NKAIN3: variants seen among roughly 807,000 people sequenced by gnomAD.
NKAIN3 encodes the protein sodium/potassium transporting ATPase interacting 3, also known as sodium/potassium-transporting ATPase subunit beta-1-interacting protein 3.
A neutral mutation model predicts 30.2 loss-of-function variants in NKAIN3; 25 were observed. That is an observed-to-expected ratio of 0.83 (90% CI 0.60 to 1.16). The LOEUF (loss-of-function observed/expected upper bound fraction) is 1.16, where lower values mean the gene tolerates loss of function less well. Ranked by LOEUF, NKAIN3 falls within the 50% of genes most tolerant of loss-of-function variation. The pLI is 0.00. For missense variants in NKAIN3, 225 were observed against 254.1 expected, an observed-to-expected ratio of 0.89 and a Z score of 0.78; for synonymous variants, 91 against 89.6, an observed-to-expected ratio of 1.02 and a Z score of -0.09.
At chr8:62,436,434 A>G (rs1805176672) in intron 1 of NKAIN3, among the ~76,000 whole-genome samples, 1 of 152,138 alleles carries the variant, frequency 6.6e-6, no homozygotes, top group Non-Finnish European at 1.5e-5. Context: ...AGTGCTTAAC[A>G]TTGCAACTTT....
rs1026254883 is a variant in NKAIN3 at position 62,646,849 on chromosome 8, A to G, written c.273+57055A>G. On this transcript the variant is annotated intron_variant, in intron 3 of 6. Coordinates refer to ENST00000623646, the MANE Select transcript of NKAIN3 (RefSeq NM_001304533.3). ...TACAGTAGAACAGGCCAATCACAAA[A>G]TAAAAACTCCAAGATAGACAATCAT... is the stretch of plus-strand genomic sequence containing the variant. Among the ~76,000 whole-genome samples the G allele has an allele frequency of 6.6e-5, 10 of 152,296 alleles. No individual in the cohort carries two copies. The East Asian group carries it at 1.2e-3, about 18-fold the overall frequency.
At chr8:62,588,924 T>A (rs1307954009) in intron 2 of NKAIN3, among the ~76,000 whole-genome samples, 1 of 151,882 alleles carries the variant, frequency 6.6e-6, no homozygotes, top group Non-Finnish European at 1.5e-5. Context: ...AAAAAGTGAC[T>A]GGATGAGAGG....
intron 1 of NKAIN3, among the ~76,000 whole-genome samples, chr8:62,537,940 A>G (rs550226422): frequency 6.6e-6 from 1 of 152,236 alleles, no homozygotes; most frequent in South Asian, 2.1e-4. Context: ...ACCAAGTTCA[A>G]TGACAGTGCT....
intron 3 of NKAIN3, among the ~76,000 whole-genome samples, chr8:62,633,202 G>A (rs926887525): frequency 6.6e-6 from 1 of 152,076 alleles, no homozygotes; most frequent in African/African-American, 2.4e-5. Context: ...TTCGCACCTC[G>A]CAGGACTGTT....
At chr8:62,737,328 T>C (rs1440031396) in intron 3 of NKAIN3, among the ~76,000 whole-genome samples, 3 of 152,220 alleles carry the variant, frequency 2.0e-5, no homozygotes, top group Non-Finnish European at 2.9e-5. Flanking sequence ...CTTTCCTGAA[T>C]GTTTCTCTGC....
intron 1 of NKAIN3, among the ~76,000 whole-genome samples, chr8:62,301,211 G>GT (rs539962503): frequency 1.4e-3 from 214 of 151,940 alleles, no homozygotes; most frequent in African/African-American, 4.9e-3. Context: ...AGTAAATAGT[G>GT]TATTTTTAAT....
intron 6 of NKAIN3, among the ~76,000 whole-genome samples, chr8:62,954,944 AGCTC>A (rs1160797343): frequency 6.6e-6 from 1 of 152,186 alleles, no homozygotes; most frequent in African/African-American, 2.4e-5. Flanking sequence ...TTTTTCTTTC[AGCTC>A]AGTGTTCTGT....
chr8:62,445,541 G>A (rs1008781074), intron 1 of NKAIN3, among the ~76,000 whole-genome samples: 4 of 152,028 alleles, frequency 2.6e-5, no homozygotes, highest in Admixed American at 6.6e-5. Context: ...ACTATTTTCT[G>A]TTTACTTCTT....
intron 1 of NKAIN3, among the ~76,000 whole-genome samples, chr8:62,270,607 C>T (rs1347728271): frequency 6.6e-6 from 1 of 151,962 alleles, no homozygotes; most frequent in Non-Finnish European, 1.5e-5. Context: ...ATGTATAATA[C>T]ATTATTATTT....
intron 4 of NKAIN3, among the ~76,000 whole-genome samples, chr8:62,790,287 A>T (rs1466328401): frequency 6.6e-6 from 1 of 152,134 alleles, no homozygotes; most frequent in Non-Finnish European, 1.5e-5. Context: ...ACTCTCAATA[A>T]ATTAGGTGTT....
intron 1 of NKAIN3, among the ~76,000 whole-genome samples, chr8:62,558,013 C>T (rs1585943898): frequency 6.6e-6 from 1 of 151,942 alleles, no homozygotes; most frequent in Non-Finnish European, 1.5e-5. Context: ...TTTTCCAATG[C>T]TATCTTCCAG....
At chr8:62,609,300 T>C (rs76231432) in intron 3 of NKAIN3, among the ~76,000 whole-genome samples, 4,231 of 152,300 alleles carry the variant, frequency 0.028, 92 homozygotes, top group Non-Finnish European at 0.045. Context: ...CAAAACACTT[T>C]GTCAGGTAAG....
At chr8:62,473,152 T>C (rs1585846936) in intron 1 of NKAIN3, 4 of 152,244 alleles carry the variant, frequency 2.6e-5, no homozygotes, top group African/African-American at 9.6e-5. Flanking sequence ...GTGCCTTCTG[T>C]TGCCACATCT....
chr8:62,671,927 G>A (rs540801681), intron 3 of NKAIN3, among the ~76,000 whole-genome samples: 3 of 152,150 alleles, frequency 2.0e-5, no homozygotes, highest in South Asian at 2.1e-4. Flanking sequence ...CCTAGGATTC[G>A]GTCTGACTGG....
At chr8:62,492,171 A>G (rs1807087656) in intron 1 of NKAIN3, among the ~76,000 whole-genome samples, 1 of 152,122 alleles carries the variant, frequency 6.6e-6, no homozygotes, top group African/African-American at 2.4e-5. Context: ...AAGAATGAAG[A>G]AAGAGCCGGG....
At chr8:62,757,576 C>T (rs867936311) in intron 4 of NKAIN3, among the ~76,000 whole-genome samples, 3 of 152,122 alleles carry the variant, frequency 2.0e-5, no homozygotes, top group African/African-American at 4.8e-5. Context: ...GAGTTCTAAA[C>T]TTAATTTCTC....
chr8:62,866,450 C>T (rs1820417083), intron 4 of NKAIN3, among the ~76,000 whole-genome samples: 1 of 152,126 alleles, frequency 6.6e-6, no homozygotes, highest in South Asian at 2.1e-4. Context: ...AAATGATTTT[C>T]CCTTTGCAAG....
At chr8:62,794,756 G>A (rs937570330) in intron 4 of NKAIN3, among the ~76,000 whole-genome samples, 12 of 152,138 alleles carry the variant, frequency 7.9e-5, no homozygotes, top group African/African-American at 2.9e-4. Flanking sequence ...TTGTATTCCA[G>A]CATTGAAGTG....
At chr8:62,539,478 AGGTATAT>A (rs1257091540) in intron 1 of NKAIN3, among the ~76,000 whole-genome samples, 1 of 152,188 alleles carries the variant, frequency 6.6e-6, no homozygotes, top group Non-Finnish European at 1.5e-5. Flanking sequence ...CCAAAATTAG[AGGTATAT>A]GGTGTGCAGA....
Sources: gnomAD v4.1 joint callset for allele counts (sites outside exome capture counted in the v4.1 genomes callset) on GRCh38, gnomAD v4.1.1 for gene constraint, MANE v1.5 for transcripts, NCBI Gene and HGNC (gene_info 2026-07-23, HGNC 2026-07-21) for gene names.